Variants in TDRD9 observed in about 807,000 individuals in gnomAD.
TDRD9 encodes tudor domain containing 9.
In TDRD9, 124 loss-of-function variants were observed where a neutral mutation model predicts 172.6. The ratio of observed to expected loss-of-function variants is 0.72; its 90% CI spans 0.62 to 0.83. The LOEUF (loss-of-function observed/expected upper bound fraction) is 0.83. Among genes scored for constraint, TDRD9 ranks in the 40% least tolerant of loss-of-function variants. The probability of loss-of-function intolerance (pLI) is 0.00; values close to 1 mark genes in which losing one functional copy is unlikely to be tolerated. For missense variants in TDRD9, 1,479 were observed against 1,714.1 expected, an observed-to-expected ratio of 0.86 and a Z score of 2.42; for synonymous variants, 619 against 617.1, an observed-to-expected ratio of 1.00 and a Z score of -0.05.
chr14:104,026,903 C>G lies in TDRD9; in HGVS notation c.3246C>G (p.Gly1082=). Residue 1082 remains glycine, a synonymous_variant, in exon 28 of 36, where the codon GGC becomes GGG. Coordinates refer to ENST00000409874, the MANE Select transcript of TDRD9 (RefSeq NM_153046.3). ...INIRDVLIQQ[G]YAELTEESYE... Reference sequence around the variant, plus strand: ...TAAGAGACGTCCTCATCCAGCAGGGCTATGCCGAGCTCACGGAGGAGTCCT... The same window carrying G: ...TAAGAGACGTCCTCATCCAGCAGGGGTATGCCGAGCTCACGGAGGAGTCCT... 6.2e-7 allele frequency: 1 copy of G among 1,613,940 alleles called. No homozygotes were observed. The highest frequency in any genetic ancestry group is 8.5e-7 in the Non-Finnish European group (1 of 1,179,822).
intron 20 of TDRD9, 89 bp from the exon 21 acceptor site, chr14:104,014,636 T>C (rs993326587): frequency 1.4e-6 from 1 of 712,364 alleles, no homozygotes; most frequent in Non-Finnish European, 2.5e-6. Context: ...GTTTATACTT[T>C]ACCCGTTGTG....
intron 14 of TDRD9, chr14:104,005,035 T>C: frequency 2.8e-6 from 1 of 356,696 alleles, no homozygotes; most frequent in Non-Finnish European, 5.0e-6. Flanking sequence ...TCAGTCCCTC[T>C]TTTCCTTCTC....
At chr14:103,952,214 A>ATTTTTTTTT (rs1695593864) in intron 1 of TDRD9, among the ~76,000 whole-genome samples, 1 of 57,398 alleles carries the variant, frequency 1.7e-5, no homozygotes, top group East Asian at 5.0e-4. Flanking sequence ...ATATATATAT[A>ATTTTTTTTT]TATATATTTT....
In TDRD9 at chr14:104,005,119, C is replaced by T. The variant is rs2034393218; in HGVS notation, c.1582-155C>T. The T allele has an allele frequency of 8.4e-6, 5 of 597,528 alleles. No homozygotes were observed. The South Asian group carries it at 1.0e-4, about 12-fold the overall frequency. The allele number at this position is 597,528 out of a possible 1,614,324, so 37.0% of individuals were successfully genotyped here. A position where few individuals can be genotyped will look rare whatever the true frequency, so the allele number is the denominator to read the frequency against. ...TCTCCTGTTCTTTCTTCTTCTCTCTCCCTTCTCTTCTCTCCCTCCCTCAAT... is the reference window on the plus strand; with the variant it reads ...TCTCCTGTTCTTTCTTCTTCTCTCTTCCTTCTCTTCTCTCCCTCCCTCAAT... On this transcript the variant is annotated intron_variant, in intron 14 of 35. Transcript: ENST00000409874.
intron 33 of TDRD9, 104 bp from the exon 34 acceptor site, chr14:104,041,965 C>T: frequency 2.5e-6 from 2 of 793,430 alleles, no homozygotes; most frequent in East Asian, 5.2e-5. Context: ...ATAAACCATA[C>T]TGATGACAGA....
intron 13 of TDRD9, among the ~76,000 whole-genome samples, chr14:104,002,033 A>C (rs2034276144): frequency 6.6e-6 from 1 of 150,946 alleles, no homozygotes; most frequent in East Asian, 2.0e-4. Context: ...TAAAAGAAAA[A>C]TTTTGGCCAG....
chr14:104,032,629 T>A (rs2035320028), intron 30 of TDRD9, among the ~76,000 whole-genome samples: 1 of 152,244 alleles, frequency 6.6e-6, no homozygotes, highest in Non-Finnish European at 1.5e-5. Flanking sequence ...AAAGACTACA[T>A]TTTTTTCTGT....
chr14:104,009,878 G>C (rs923408689), intron 20 of TDRD9, among the ~76,000 whole-genome samples: 2 of 151,752 alleles, frequency 1.3e-5, no homozygotes, highest in Non-Finnish European at 2.9e-5. Context: ...CAATTCTCCT[G>C]CCTCAGCCTC....
chr14:103,987,578 C>A (rs949432867), intron 8 of TDRD9, among the ~76,000 whole-genome samples: 1 of 152,136 alleles, frequency 6.6e-6, no homozygotes, highest in East Asian at 1.9e-4. Flanking sequence ...TTTCCTGTTA[C>A]ACATTTTGAA....
At position 104,025,677 on chromosome 14, in the gene TDRD9, C is replaced by T. The variant is rs1382931400; in HGVS notation, c.2832C>T (p.His944=). 6.2e-7 allele frequency: 1 copy of T among 1,613,890 alleles called. No homozygotes were observed. Among genetic ancestry groups the T allele is most frequent in the Non-Finnish European group, 8.5e-7 (1 of 1,179,884 alleles). Residue 944 remains histidine (H), a synonymous_variant, in exon 26 of 36, where the codon CAC becomes CAT. Transcript: ENST00000409874. ...TGACGCTGGTGCCCTTGCCCACTCA[C>T]CCACATCCAGACTTGGTCTGTCTGG... is the stretch of plus-strand genomic sequence containing the variant. ...NQLTLVPLPT[H]PHPDLVCLAP... is the part of the protein sequence containing the mutation.
Position 104,002,348 on chromosome 14 carries a change from T to G in TDRD9, c.1484-1890T>G, listed in dbSNP as rs560930172. Among the ~76,000 whole-genome samples, 4 of 151,430 alleles carry G rather than the reference T, an allele frequency of 2.6e-5. No homozygotes were observed. In the South Asian group the frequency reaches 8.3e-4, roughly 32 times the overall value. On this transcript the variant is annotated intron_variant, in intron 13 of 35. Transcript: ENST00000409874. ...AAAAAAAAAAAAAAAGAAAAAAATTTTAGACAAATTAAATTTAACAGAGTT... is the reference window on the plus strand; with the variant it reads ...AAAAAAAAAAAAAAAGAAAAAAATTGTAGACAAATTAAATTTAACAGAGTT...
intron 1 of TDRD9, chr14:103,940,934 T>C: frequency 6.5e-7 from 1 of 1,535,476 alleles, no homozygotes; most frequent in African/African-American, 1.4e-5. Context: ...CTCTTGGAGC[T>C]GTCACCTTGG....
chr14:103,991,360 T>C (rs1421860132), intron 9 of TDRD9, 136 bp downstream of exon 9: 1 of 914,034 alleles, frequency 1.1e-6, no homozygotes, highest in East Asian at 2.7e-5. Context: ...TGTGAACAAA[T>C]GTAACTTTCA....
At chr14:104,014,664 T>C (rs1024067707) in intron 20 of TDRD9, 61 bp from the exon 21 acceptor site, 7 of 942,614 alleles carry the variant, frequency 7.4e-6, no homozygotes, top group Non-Finnish European at 1.2e-5. Context: ...TTTCTAGTGT[T>C]TTCACTGCTC....
intron 7 of TDRD9, among the ~76,000 whole-genome samples, chr14:103,978,986 G>A (rs1190278724): frequency 3.9e-5 from 6 of 152,086 alleles, no homozygotes; most frequent in African/African-American, 1.4e-4. Context: ...GAACACTGGA[G>A]CTTCCTCCTC....
At chr14:103,979,734 GC>G (rs1207343560) in intron 7 of TDRD9, among the ~76,000 whole-genome samples, 1 of 152,202 alleles carries the variant, frequency 6.6e-6, no homozygotes, top group Admixed American at 6.5e-5. Flanking sequence ...GGTTGTGTTT[GC>G]CAGGTTTCTC....
intron 30 of TDRD9, 56 bp downstream of exon 30, chr14:104,032,143 A>C: frequency 9.7e-7 from 1 of 1,032,074 alleles, no homozygotes; most frequent in South Asian, 1.5e-5. Flanking sequence ...CTGTTTATAG[A>C]TCTCATCAGA....
chr14:104,049,466 T>A (rs2035879191), intron 34 of TDRD9, 142 bp from the exon 35 acceptor site: 1 of 608,692 alleles, frequency 1.6e-6, no homozygotes, highest in Non-Finnish European at 2.8e-6. Flanking sequence ...TGATCATAAC[T>A]GCATAAATGT....
chr14:104,005,860 T>C (rs2034421523), intron 15 of TDRD9, among the ~76,000 whole-genome samples: 1 of 152,206 alleles, frequency 6.6e-6, no homozygotes, highest in African/African-American at 2.4e-5. Context: ...TTGCCTAGGC[T>C]GGAGCGCAGT....
Sources: gnomAD v4.1 joint callset for allele counts (sites outside exome capture counted in the v4.1 genomes callset) on GRCh38, gnomAD v4.1.1 for gene constraint, MANE v1.5 for transcripts, NCBI Gene and HGNC (gene_info 2026-07-23, HGNC 2026-07-21) for gene names.